Variants in GRIK3 observed in about 807,000 individuals in gnomAD.
GRIK3 encodes the protein glutamate ionotropic receptor kainate type subunit 3.
Under a neutral mutation model 102.5 loss-of-function variants are expected in GRIK3, and 29 were observed. That is an observed-to-expected ratio of 0.28 (90% CI 0.21 to 0.39). GRIK3 has a LOEUF of 0.39. Among genes scored for constraint, GRIK3 ranks in the 10% least tolerant of loss-of-function variants. The probability of loss-of-function intolerance (pLI) is 1.00; values close to 1 mark genes in which losing one functional copy is unlikely to be tolerated. For missense variants in GRIK3, 908 were observed against 1,252.4 expected (o/e 0.73, Z 4.15); for synonymous variants, 511 against 504.9 (o/e 1.01, Z -0.16).
At chr1:36,962,987 T>A (rs1044221334) in intron 1 of GRIK3, among the ~76,000 whole-genome samples, 1 of 150,266 alleles carries the variant, frequency 6.7e-6, no homozygotes, top group Non-Finnish European at 1.5e-5. Context: ...CCAAGGGCAA[T>A]GCAAAGGACA....
At position 36,799,873 on chromosome 1, in the gene GRIK3, G is replaced by A. The variant is rs116047085; in HGVS notation, c.*1978C>T. The A allele has an allele frequency of 0.01, 1,587 of 152,388 alleles. 30 individuals are homozygous for A. The highest frequency in any genetic ancestry group is 0.036 in the African/African-American group (1,487 of 41,528). 9.4% of individuals were successfully genotyped at this position (152,388 alleles called of 1,614,324 possible). A position where few individuals can be genotyped will look rare whatever the true frequency, so the allele number is the denominator to read the frequency against. On this transcript the variant is annotated 3_prime_UTR_variant, in exon 16 of 16. Coordinates refer to ENST00000373091, the MANE Select transcript of GRIK3 (RefSeq NM_000831.4). ...AGATCTGTCCTGTGCCCCAGCCCCC[G>A]AAGCTCACACATACAAACACAAAGA...
intron 1 of GRIK3, among the ~76,000 whole-genome samples, chr1:36,895,644 CT>C (rs971658971): frequency 6.6e-6 from 1 of 151,970 alleles, no homozygotes; most frequent in Non-Finnish European, 1.5e-5. Flanking sequence ...AAAACTGTGG[CT>C]GTAAAAATGC....
At chr1:37,022,720 C>A (rs1311987650) in intron 1 of GRIK3, among the ~76,000 whole-genome samples, 3 of 152,214 alleles carry the variant, frequency 2.0e-5, no homozygotes, top group Admixed American at 6.5e-5. Context: ...CATGCCGGGG[C>A]AGTTAGGTGG....
chr1:36,946,242 C>T (rs938762115), intron 1 of GRIK3, among the ~76,000 whole-genome samples: 19 of 152,336 alleles, frequency 1.2e-4, no homozygotes, highest in South Asian at 2.1e-4. Context: ...AGGACTGCAC[C>T]AGGACAGAGC....
intron 1 of GRIK3, among the ~76,000 whole-genome samples, chr1:37,020,339 T>G (rs1028044493): frequency 6.6e-6 from 1 of 152,206 alleles, no homozygotes; most frequent in Admixed American, 6.5e-5. Flanking sequence ...TGAGGAATAA[T>G]TTTATTTACT....
chr1:36,870,607 C>G, intron 4 of GRIK3, among the ~76,000 whole-genome samples: 1 of 152,242 alleles, frequency 6.6e-6, no homozygotes. Flanking sequence ...CAGAGAAGTC[C>G]TGCAAGAAGC....
chr1:36,979,217 C>T (rs532361945), intron 1 of GRIK3, among the ~76,000 whole-genome samples: 17 of 152,344 alleles, frequency 1.1e-4, no homozygotes, highest in Admixed American at 3.3e-4. Context: ...CCAGCCCTCG[C>T]TACAACACAT....
chr1:36,936,970 G>C (rs552974428), intron 1 of GRIK3, among the ~76,000 whole-genome samples: 2 of 152,114 alleles, frequency 1.3e-5, no homozygotes, highest in African/African-American at 4.8e-5. Context: ...TAGGATCCCC[G>C]CCACCCACAG....
At chr1:36,925,398 C>T (rs1029360006) in intron 1 of GRIK3, among the ~76,000 whole-genome samples, 11 of 152,374 alleles carry the variant, frequency 7.2e-5, no homozygotes, top group African/African-American at 1.9e-4. Context: ...TGAGCCAGTT[C>T]GTGCCCTCGG....
intron 1 of GRIK3, among the ~76,000 whole-genome samples, chr1:36,948,766 G>C (rs1361227197): frequency 6.6e-6 from 1 of 152,168 alleles, no homozygotes; most frequent in Non-Finnish European, 1.5e-5. Flanking sequence ...CTGGGGGAAG[G>C]AGCGCCTGGC....
chr1:36,938,139 C>A (rs1359594917), intron 1 of GRIK3, among the ~76,000 whole-genome samples: 1 of 152,188 alleles, frequency 6.6e-6, no homozygotes, highest in Non-Finnish European at 1.5e-5. Context: ...GCAGAAAAGG[C>A]AGCATGGAGA....
At chr1:36,978,273 T>TG (rs1642214587) in intron 1 of GRIK3, among the ~76,000 whole-genome samples, 1 of 152,248 alleles carries the variant, frequency 6.6e-6, no homozygotes, top group South Asian at 2.1e-4. Flanking sequence ...GAAGTGCAGC[T>TG]GCCTGGCACG....
intron 1 of GRIK3, among the ~76,000 whole-genome samples, chr1:36,959,065 C>A (rs1406875708): frequency 2.1e-5 from 2 of 94,208 alleles, no homozygotes; most frequent in East Asian, 1.1e-3. Flanking sequence ...TGTGAGCCTG[C>A]ACCCCATGAG....
In GRIK3 at chr1:36,802,003, G is replaced by C. The variant is rs1261155421; in HGVS notation, c.2608C>G (p.Leu870Val). 8.1e-6 allele frequency: 13 copies of C among 1,613,704 alleles called. No individual in the cohort carries two copies. Among genetic ancestry groups the C allele is most frequent in the Non-Finnish European group, 1.1e-5 (13 of 1,179,894 alleles). Residue 870 changes from leucine (L) to valine (V), a missense_variant, in exon 16 of 16, where the codon CTT becomes GTT. By Grantham distance (32) the Leu-to-Val change is conservative. Around this residue, in one of 3 missense-constraint regions of GRIK3, gnomAD observed 297 missense variants for 362.7 expected, o/e 0.82. Transcript: ENST00000373091. ...TGCTTGACTCGACGCTGGCAGGTAA[G>C]GGAGAAACGGATCTCATCGGCCACG... ...STVADEIRFS[L>V]TCQRRVKHKP...
chr1:36,834,984 T>C (rs1036234641), intron 10 of GRIK3, among the ~76,000 whole-genome samples: 7 of 152,212 alleles, frequency 4.6e-5, no homozygotes, highest in Admixed American at 1.3e-4. Context: ...TTTGAGGCCT[T>C]TTCCTCGGGG....
At chr1:36,814,516 C>CA (rs1023669915) in intron 13 of GRIK3, among the ~76,000 whole-genome samples, 2 of 134,678 alleles carry the variant, frequency 1.5e-5, no homozygotes, top group Non-Finnish European at 3.2e-5. Context: ...TAGACCCCCC[C>CA]CCCCCACACA....
chr1:36,821,047 C>A (rs1330178815), intron 11 of GRIK3, among the ~76,000 whole-genome samples: 1 of 152,118 alleles, frequency 6.6e-6, no homozygotes, highest in African/African-American at 2.4e-5. Flanking sequence ...GAAGGAGAGA[C>A]AAGTCTAGTG....
chr1:37,022,152 C>T (rs148588662), intron 1 of GRIK3, among the ~76,000 whole-genome samples: 17 of 152,250 alleles, frequency 1.1e-4, no homozygotes, highest in Non-Finnish European at 1.8e-4. Flanking sequence ...TTACACCAAG[C>T]TGTCATGTTG....
chr1:36,944,166 T>C (rs952681693), intron 1 of GRIK3, among the ~76,000 whole-genome samples: 1 of 152,104 alleles, frequency 6.6e-6, no homozygotes, highest in Non-Finnish European at 1.5e-5. Flanking sequence ...ATAAATCCTA[T>C]TCCCCAAAAG....
Sources: gnomAD v4.1 joint callset for allele counts (sites outside exome capture counted in the v4.1 genomes callset) on GRCh38, gnomAD v4.1.1 for gene constraint, gnomAD v4.1.1 regional missense constraint, MANE v1.5 for transcripts, NCBI Gene and HGNC (gene_info 2026-07-23, HGNC 2026-07-21) for gene names.